The following LRRC1 variants were observed in gnomAD, a reference collection of about 807,000 sequenced individuals.
The protein encoded by LRRC1 is leucine rich repeat containing 1.
LRRC1 carries 28 observed loss-of-function variants against 69.9 expected under a neutral mutation model. That is an observed-to-expected ratio of 0.40 (90% confidence interval 0.30 to 0.55). The LOEUF (loss-of-function observed/expected upper bound fraction) is 0.55. Among genes scored for constraint, LRRC1 ranks in the 20% least tolerant of loss-of-function variants. LRRC1 has a pLI of 0.47. For synonymous variants in LRRC1, 236 were observed against 240.2 expected, an observed-to-expected ratio of 0.98 and a Z score of 0.16; for missense variants, 498 against 609.0, an observed-to-expected ratio of 0.82 and a Z score of 1.92.
intron 9 of LRRC1, among the ~76,000 whole-genome samples, chr6:53,904,112 T>C (rs565927164): frequency 1.3e-5 from 2 of 152,366 alleles, no homozygotes; most frequent in African/African-American, 4.8e-5. Flanking sequence ...GAACAGCATC[T>C]TTTTCCCTTT....
In LRRC1 at chr6:53,828,380, G is replaced by A. The variant is rs1179388932; in HGVS notation, c.160-13730G>A. Among the ~76,000 whole-genome samples the A allele has an allele frequency of 6.6e-5, 10 of 152,228 alleles. No homozygotes were observed. The East Asian group carries it at 1.5e-3, about 23-fold the overall frequency. ...CACAGGGCAGCACCCATCTGGTTCT[G>A]AGCCAGGCAGGCTGATGCCGGAGGG... On this transcript the variant is annotated intron_variant, in intron 1 of 13. Coordinates refer to ENST00000370888, the MANE Select transcript of LRRC1 (RefSeq NM_018214.5).
intron 2 of LRRC1, among the ~76,000 whole-genome samples, chr6:53,850,325 T>A (rs538580796): frequency 1.9e-4 from 29 of 152,342 alleles, no homozygotes; most frequent in Non-Finnish European, 3.4e-4. Context: ...ACAAGCAGTG[T>A]AACAGTTCTT....
intron 10 of LRRC1, among the ~76,000 whole-genome samples, chr6:53,907,763 G>T (rs1768286991): frequency 1.4e-5 from 2 of 148,120 alleles, no homozygotes; most frequent in African/African-American, 5.0e-5. Context: ...ATGACTGCAT[G>T]GCCTGGAACC....
intron 8 of LRRC1, among the ~76,000 whole-genome samples, chr6:53,900,853 C>T (rs968341814): frequency 1.1e-4 from 17 of 152,180 alleles, no homozygotes; most frequent in Non-Finnish European, 1.8e-4. Context: ...TGTATTTAAC[C>T]ATGGAGTTAT....
At chr6:53,887,288 A>G (rs1163096915) in intron 4 of LRRC1, among the ~76,000 whole-genome samples, 4 of 152,258 alleles carry the variant, frequency 2.6e-5, no homozygotes, top group Non-Finnish European at 2.9e-5. Flanking sequence ...TAGGGAGACA[A>G]TAAATTTATT....
At position 53,913,918 on chromosome 6, in the gene LRRC1, C is replaced by T; in HGVS notation, c.1055C>T (p.Ala352Val). The change falls in exon 11 of 14, where the codon GCA becomes GTA. Residue 352 changes from alanine to valine, a missense_variant. This residue lies in a region of LRRC1 where 266 missense variants were observed against 383.9 expected (regional missense o/e 0.69). Transcript: ENST00000370888. Reference sequence around the variant, plus strand: ...GACAACAGACTAACTCGGATACCTGCAGAGGTGTCACAGGCAACAGAACTT... The same window carrying T: ...GACAACAGACTAACTCGGATACCTGTAGAGGTGTCACAGGCAACAGAACTT... ...VRDNRLTRIP[A>V]EVSQATELHV... 1 of 1,612,702 alleles carries T rather than the reference C, an allele frequency of 6.2e-7. No individual in the cohort carries two copies. Among genetic ancestry groups the T allele is most frequent in the Non-Finnish European group, 8.5e-7 (1 of 1,178,890 alleles).
chr6:53,864,300 C>G (rs1280201544), intron 2 of LRRC1, among the ~76,000 whole-genome samples: 2 of 152,256 alleles, frequency 1.3e-5, no homozygotes, highest in East Asian at 3.9e-4. Flanking sequence ...CTTGCTTCCT[C>G]TCTCCCCACA....
intron 3 of LRRC1, among the ~76,000 whole-genome samples, chr6:53,882,615 A>G (rs551635142): frequency 1.3e-5 from 2 of 152,200 alleles, no homozygotes; most frequent in South Asian, 4.1e-4. Flanking sequence ...CTTTATTCTT[A>G]GAGCTTGCAT....
chr6:53,917,545 A>G (rs1471831765), intron 11 of LRRC1, among the ~76,000 whole-genome samples: 2 of 152,114 alleles, frequency 1.3e-5, no homozygotes, highest in Non-Finnish European at 2.9e-5. Flanking sequence ...TTAGCCTCTT[A>G]TTTATACTTT....
rs116880286 is a variant in LRRC1, at chr6:53,842,518, A to G, written c.277+291A>G. Among the ~76,000 whole-genome samples, 299 of 152,342 alleles carry G rather than the reference A, an allele frequency of 2.0e-3. 4 individuals carry two copies. In the East Asian group the frequency reaches 0.041, roughly 21 times the overall value. ...AGGCATTTTCCAAAAAAAATTTCAT[A>G]ACACAAGTTTTAGGAGACAGCTTTC... On this transcript the variant is annotated intron_variant, in intron 2 of 13. Coordinates refer to ENST00000370888, the MANE Select transcript of LRRC1 (RefSeq NM_018214.5).
chr6:53,820,981 C>G (rs1305414910), intron 1 of LRRC1, among the ~76,000 whole-genome samples: 1 of 152,178 alleles, frequency 6.6e-6, no homozygotes, highest in African/African-American at 2.4e-5. Context: ...AACTTGTTGA[C>G]TTATTTCTTC....
chr6:53,859,767 A>G (rs1346408458), intron 2 of LRRC1, among the ~76,000 whole-genome samples: 2 of 152,192 alleles, frequency 1.3e-5, no homozygotes, highest in African/African-American at 4.8e-5. Context: ...ACTTTTTATA[A>G]TGACTATATA....
intron 1 of LRRC1, among the ~76,000 whole-genome samples, chr6:53,797,209 G>A (rs1764327357): frequency 6.6e-6 from 1 of 151,978 alleles, no homozygotes; most frequent in Admixed American, 6.6e-5. Context: ...GATCCTAAAT[G>A]GAAACTTGTC....
At chr6:53,885,150 C>A (rs949111500) in intron 4 of LRRC1, among the ~76,000 whole-genome samples, 3 of 152,114 alleles carry the variant, frequency 2.0e-5, no homozygotes, top group African/African-American at 7.2e-5. Flanking sequence ...CAGAAAGAAA[C>A]AATCAAAGAA....
intron 7 of LRRC1, among the ~76,000 whole-genome samples, chr6:53,898,746 T>A (rs1467794140): frequency 2.0e-5 from 3 of 152,174 alleles, no homozygotes; most frequent in African/African-American, 7.2e-5. Flanking sequence ...TTAGTATAAA[T>A]CTAGTCTAGT....
intron 10 of LRRC1, among the ~76,000 whole-genome samples, chr6:53,909,884 C>T (rs1015928946): frequency 2.0e-5 from 3 of 152,044 alleles, no homozygotes; most frequent in Non-Finnish European, 2.9e-5. Context: ...AAGGAATATA[C>T]TGAAGGAAAG....
In LRRC1 at chr6:53,921,465, G is replaced by A. The variant is rs901348859; in HGVS notation, c.1416+704G>A. ...TGCCAGACCTCTGTGCCTTCTTCAT[G>A]TAACCAGCTCACCTTAGCCTTCTTG... On this transcript the variant is annotated intron_variant, in intron 13 of 13. Transcript: ENST00000370888. 1.3e-5 allele frequency among the ~76,000 whole-genome samples: 2 copies of A among 152,088 alleles called. 1 individual carries two copies.
intron 4 of LRRC1, among the ~76,000 whole-genome samples, chr6:53,888,571 A>G (rs1767571046): frequency 6.6e-6 from 1 of 152,220 alleles, no homozygotes; most frequent in African/African-American, 2.4e-5. Context: ...ATCCTTACAT[A>G]TGTCTTAATT....
intron 3 of LRRC1, among the ~76,000 whole-genome samples, chr6:53,880,908 C>G (rs1228198451): frequency 1.3e-5 from 2 of 152,148 alleles, no homozygotes; most frequent in Non-Finnish European, 2.9e-5. Context: ...CTGGGAAATA[C>G]TCGTTATGTT....
Sources: gnomAD v4.1 joint callset for allele counts (sites outside exome capture counted in the v4.1 genomes callset) on GRCh38, gnomAD v4.1.1 for gene constraint, gnomAD v4.1.1 regional missense constraint, MANE v1.5 for transcripts, NCBI Gene and HGNC (gene_info 2026-07-23, HGNC 2026-07-21) for gene names.